TFCP2: variants seen among roughly 807,000 people sequenced by gnomAD.
The protein encoded by TFCP2 is transcription factor CP2, also known as alpha-globin transcription factor CP2.
Under a neutral mutation model 73.4 loss-of-function variants are expected in TFCP2, and 33 were observed. The observed-to-expected ratio is 0.45, with a 90% CI of 0.34 to 0.60. The LOEUF (loss-of-function observed/expected upper bound fraction) is 0.60. Among genes scored for constraint, TFCP2 ranks in the 20% least tolerant of loss-of-function variants. The pLI, the probability that TFCP2 is intolerant of heterozygous loss-of-function variation, is 0.01. For synonymous variants in TFCP2, 193 were observed against 211.6 expected, an observed-to-expected ratio of 0.91 and a Z score of 0.76; for missense variants, 352 against 604.0, an observed-to-expected ratio of 0.58 and a Z score of 4.37.
At position 51,099,761 on chromosome 12, in the gene TFCP2, T is replaced by C; in HGVS notation, c.1170A>G (p.Leu390=). ...GTGATTCCTGACAAACATAAATGGTTAACCTTGGACGCACCATCCTAAGGG... is the reference window on the plus strand; with the variant it reads ...GTGATTCCTGACAAACATAAATGGTCAACCTTGGACGCACCATCCTAAGGG... ...ALKGRMVRPR[L]TIYVCQESLQ... is the part of the protein sequence containing the mutation. Residue 390 remains leucine (L), a synonymous_variant, in exon 12 of 15, where the codon TTA becomes TTG. Coordinates refer to ENST00000257915, the MANE Select transcript of TFCP2 (RefSeq NM_005653.5). 1 of 1,614,228 alleles carries C rather than the reference T, an allele frequency of 6.2e-7. No homozygotes were observed.
chr12:51,161,542 T>C (rs1418062178), intron 1 of TFCP2, among the ~76,000 whole-genome samples: 2 of 151,642 alleles, frequency 1.3e-5, no homozygotes, highest in African/African-American at 2.4e-5. Flanking sequence ...TAGCCGGGCA[T>C]GGTGGTGCAT....
chr12:51,169,272 G>A (rs1225781097), intron 1 of TFCP2, among the ~76,000 whole-genome samples: 3 of 151,870 alleles, frequency 2.0e-5, no homozygotes, highest in South Asian at 2.1e-4. Flanking sequence ...AGGCTGAGAC[G>A]GGTGGATCAC....
intron 1 of TFCP2, among the ~76,000 whole-genome samples, chr12:51,145,215 A>C (rs1941269817): frequency 6.6e-6 from 1 of 150,752 alleles, no homozygotes; most frequent in East Asian, 1.9e-4. Context: ...AAAAAAAAAA[A>C]AAAACTAAAT....
chr12:51,156,208 TATG>T (rs1481360641), intron 1 of TFCP2, among the ~76,000 whole-genome samples: 1 of 152,164 alleles, frequency 6.6e-6, no homozygotes, highest in African/African-American at 2.4e-5. Flanking sequence ...TTATTTGGCT[TATG>T]GTTCTGCAGG....
intron 11 of TFCP2, among the ~76,000 whole-genome samples, chr12:51,101,286 A>C (rs1042912512): frequency 6.6e-6 from 1 of 152,198 alleles, no homozygotes; most frequent in Non-Finnish European, 1.5e-5. Flanking sequence ...GTCTGGGCGA[A>C]AGAGTGAGAC....
chr12:51,170,474 T>C (rs1347433351), intron 1 of TFCP2, among the ~76,000 whole-genome samples: 3 of 152,022 alleles, frequency 2.0e-5, no homozygotes, highest in Admixed American at 1.3e-4. Context: ...CCTGAGTAGC[T>C]GGGGCTACAG....
In TFCP2 at chr12:51,094,637, A is replaced by C. The variant is rs1254369341; in HGVS notation, c.*604T>G. ...GATAGTGTGATTAGGGGGTTAAACA[A>C]GATGGTCATTCAAAAAATTTATCAC... On this transcript the variant is annotated 3_prime_UTR_variant, in exon 15 of 15. Coordinates refer to ENST00000257915, the MANE Select transcript of TFCP2 (RefSeq NM_005653.5). 1 of 152,624 alleles carries C rather than the reference A, an allele frequency of 6.6e-6. No homozygotes were observed. The highest frequency in any genetic ancestry group is 1.5e-5 in the Non-Finnish European group (1 of 68,340). 9.5% of individuals were successfully genotyped at this position (152,624 alleles called of 1,614,324 possible). A position where few individuals can be genotyped will look rare whatever the true frequency, so the allele number is the denominator to read the frequency against.
intron 1 of TFCP2, among the ~76,000 whole-genome samples, chr12:51,128,498 A>AAAAAAAAAAAAAAC (rs1555253519): frequency 8.0e-5 from 12 of 149,114 alleles, no homozygotes; most frequent in Non-Finnish European, 1.0e-4. Context: ...AAAAACAAAA[A>AAAAAAAAAAAAAAC]AAACAAACTA....
intron 1 of TFCP2, among the ~76,000 whole-genome samples, chr12:51,161,760 CAAAAAAAAAA>C (rs60679909): frequency 7.9e-5 from 6 of 76,226 alleles, no homozygotes; most frequent in Non-Finnish European, 1.5e-4. Context: ...GACTCCATAT[CAAAAAAAAAA>C]AAAAAAAAAA....
chr12:51,124,981 G>A, intron 1 of TFCP2: 1 of 735,884 alleles, frequency 1.4e-6, no homozygotes. Context: ...CTGGAGACCA[G>A]CTCTCTCTGA....
intron 9 of TFCP2, 26 bp from the exon 10 acceptor site, chr12:51,103,789 A>G (rs2136964479): frequency 6.3e-7 from 1 of 1,579,174 alleles, no homozygotes; most frequent in Non-Finnish European, 8.7e-7. Flanking sequence ...CGTTTTTTAG[A>G]TAACCAAATA....
intron 1 of TFCP2, among the ~76,000 whole-genome samples, chr12:51,133,135 C>T: frequency 6.7e-6 from 1 of 148,438 alleles, no homozygotes; most frequent in East Asian, 2.0e-4. Context: ...AACAGTTCTA[C>T]TAAAAAAAGA....
At chr12:51,095,360 C>T (rs1939930054) in intron 14 of TFCP2, 82 bp from the exon 15 acceptor site, 30 of 1,461,062 alleles carry the variant, frequency 2.1e-5, no homozygotes, top group African/African-American at 5.6e-5. Flanking sequence ...GTAAGATTCT[C>T]GTGAGAAGGG....
intron 13 of TFCP2, among the ~76,000 whole-genome samples, chr12:51,098,306 A>C (rs1940016510): frequency 6.6e-6 from 1 of 152,164 alleles, no homozygotes; most frequent in African/African-American, 2.4e-5. Context: ...TCAACCTAAA[A>C]ATGTGCATGG....
In TFCP2 at chr12:51,117,664, G is replaced by C; in HGVS notation, c.351+7C>G. On this transcript the variant is annotated splice_region_variant and intron_variant, in intron 3 of 14. Transcript: ENST00000257915. ...TATTGTACAGAAGAATGATTTATTC[G>C]TTTTACCTTCACCAATTTGCCATTA... 6.2e-7 allele frequency: 1 copy of C among 1,604,172 alleles called. No individual in the cohort carries two copies. Among genetic ancestry groups the C allele is most frequent in the Non-Finnish European group, 8.5e-7 (1 of 1,172,544 alleles).
At chr12:51,130,166 A>G (rs888065779) in intron 1 of TFCP2, among the ~76,000 whole-genome samples, 1 of 151,860 alleles carries the variant, frequency 6.6e-6, no homozygotes, top group Non-Finnish European at 1.5e-5. Context: ...AAACAGAAAA[A>G]TAACATTAAA....
intron 1 of TFCP2, among the ~76,000 whole-genome samples, chr12:51,127,881 A>G (rs1360621612): frequency 2.0e-5 from 3 of 151,962 alleles, no homozygotes; most frequent in African/African-American, 4.8e-5. Context: ...AATAATCCCA[A>G]ATATCACATT....
intron 1 of TFCP2, among the ~76,000 whole-genome samples, chr12:51,131,627 T>G (rs956807813): frequency 6.6e-6 from 1 of 152,158 alleles, no homozygotes; most frequent in Non-Finnish European, 1.5e-5. Flanking sequence ...ATGAACAAGC[T>G]GAGTAAAATA....
At position 51,100,600 on chromosome 12, in the gene TFCP2, G is replaced by A. The variant is rs117661206; in HGVS notation, c.1152-821C>T. On this transcript the variant is annotated intron_variant, in intron 11 of 14. Coordinates refer to ENST00000257915, the MANE Select transcript of TFCP2 (RefSeq NM_005653.5). The stretch of plus-strand genomic sequence containing the variant: ...GGAAGGCGAGTCAGAAGGATTGCTT[G>A]AGCTCAGGAGTTTGAGACCAGCCAG... Among the ~76,000 whole-genome samples the A allele has an allele frequency of 3.8e-3, 572 of 152,260 alleles. 1 individual carries two copies. Among genetic ancestry groups the A allele is most frequent in the East Asian group, 0.036 (185 of 5,178 alleles).
Sources: gnomAD v4.1 joint callset for allele counts (sites outside exome capture counted in the v4.1 genomes callset) on GRCh38, gnomAD v4.1.1 for gene constraint, MANE v1.5 for transcripts, NCBI Gene and HGNC (gene_info 2026-07-23, HGNC 2026-07-21) for gene names.